The following UIMC1 variants were observed in gnomAD, a reference collection of about 807,000 sequenced individuals.
UIMC1 encodes the protein ubiquitin interaction motif containing 1.
A neutral mutation model predicts 84.9 loss-of-function variants in UIMC1; 42 were observed. The observed-to-expected ratio is 0.49, with a 90% CI of 0.39 to 0.64. The LOEUF is 0.64. UIMC1 is among the 30% of genes least tolerant of loss of function. The pLI is 0.00. For synonymous variants in UIMC1, 281 were observed against 293.0 expected (o/e 0.96, Z 0.42); for missense variants, 825 against 847.6 (o/e 0.97, Z 0.33).
chr5:176,994,900 G>C (rs527792506), intron 1 of UIMC1, among the ~76,000 whole-genome samples: 1 of 151,898 alleles, frequency 6.6e-6, no homozygotes, highest in South Asian at 2.1e-4. Context: ...ACAGGTATTT[G>C]TAGAAATAGT....
chr5:176,984,153 G>A (rs1409182046), intron 1 of UIMC1, among the ~76,000 whole-genome samples: 4 of 105,894 alleles, frequency 3.8e-5, no homozygotes, highest in South Asian at 3.5e-4. Context: ...CGGCCGCCCT[G>A]TCTGGGAAGT....
chr5:176,951,548 CA>C lies in UIMC1; in HGVS notation c.1368del (p.Phe456LeufsTer20). The C allele has an allele frequency of 6.3e-7, 1 of 1,591,060 alleles. No individual in the cohort carries two copies. Among genetic ancestry groups the C allele is most frequent in the Non-Finnish European group, 8.5e-7 (1 of 1,170,342 alleles). ...PETQLSSSETFDLEREVSPGS... is the reference protein window; with the variant it reads ...PETQLSSSETXDLEREVSPGS... ...CCTGGAGAGACTTCTCTTTCAAGGT[CA>C]AAAGTTTCAGAGGAACTTAGCTGGG... On this transcript the variant is annotated frameshift_variant, in exon 9 of 15. Coordinates refer to ENST00000511320, the MANE Select transcript of UIMC1 (RefSeq NM_001199298.2). LOFTEE classifies it high-confidence loss of function.
intron 10 of UIMC1, among the ~76,000 whole-genome samples, chr5:176,922,957 AAAG>A (rs1761888493): frequency 6.6e-6 from 1 of 152,208 alleles, no homozygotes; most frequent in African/African-American, 2.4e-5. Flanking sequence ...TTTTTGCAGC[AAAG>A]AAGGCAGTCT....
chr5:176,910,741 G>C (rs932870183), intron 11 of UIMC1, among the ~76,000 whole-genome samples: 1 of 152,108 alleles, frequency 6.6e-6, no homozygotes, highest in African/African-American at 2.4e-5. Context: ...ATTGCTTTTA[G>C]TGTATTAAAA....
Position 176,968,813 on chromosome 5 carries a change from G to A in UIMC1, c.942C>T (p.Leu314=), listed in dbSNP as rs773606713. ...GTTCCCCAAAACCTTTTTTATTAAG[G>A]AGCTGCCTCTGAGCCATTTTCAGGC... ...QKSLKMAQRQ[L]LNKKGFGEPV... Residue 314 remains leucine, a synonymous_variant, in exon 6 of 15, where the codon CTC becomes CTT. Coordinates refer to ENST00000511320, the MANE Select transcript of UIMC1 (RefSeq NM_001199298.2). 1.9e-6 allele frequency: 3 copies of A among 1,613,980 alleles called. No individual in the cohort carries two copies. Among genetic ancestry groups the A allele is most frequent in the South Asian group, 1.1e-5 (1 of 91,082 alleles).
intron 2 of UIMC1, among the ~76,000 whole-genome samples, chr5:176,977,621 CA>C (rs1261148606): frequency 5.7e-4 from 72 of 126,644 alleles, no homozygotes; most frequent in Non-Finnish European, 1.0e-4. Flanking sequence ...AAAACAGAAA[CA>C]AAAAAGGCCA....
rs755458608 is a variant in UIMC1, at chr5:176,943,413, G to A, written c.1519C>T (p.Leu507=). 1.2e-5 allele frequency: 20 copies of A among 1,614,026 alleles called. No individual in the cohort carries two copies. The highest frequency in any genetic ancestry group is 1.7e-5 in the Non-Finnish European group (20 of 1,180,036). ...FSSSNQVSCP[L]CDQCFPPTKI... ...GTGGGTGGAAAGCATTGGTCACATAGCGGGCAGGATACCTGGTTACTGGAT... is the reference window on the plus strand; with the variant it reads ...GTGGGTGGAAAGCATTGGTCACATAACGGGCAGGATACCTGGTTACTGGAT... Residue 507 remains leucine, a synonymous_variant, in exon 10 of 15, where the codon CTA becomes TTA. Coordinates refer to ENST00000511320, the MANE Select transcript of UIMC1 (RefSeq NM_001199298.2).
At chr5:176,932,522 TAGACAGAC>T (rs34037908) in intron 10 of UIMC1, among the ~76,000 whole-genome samples, 3 of 151,884 alleles carry the variant, frequency 2.0e-5, no homozygotes, top group Admixed American at 6.6e-5. Context: ...GATAGACAGA[TAGACAGAC>T]AGACAGACAG....
intron 2 of UIMC1, among the ~76,000 whole-genome samples, chr5:176,980,668 CA>C (rs1263897545): frequency 6.6e-6 from 1 of 151,466 alleles, no homozygotes; most frequent in African/African-American, 2.4e-5. Context: ...TATATGTATA[CA>C]ATTTTTTTTA....
intron 6 of UIMC1, among the ~76,000 whole-genome samples, chr5:176,960,540 AAT>A (rs1326162579): frequency 4.6e-5 from 7 of 152,000 alleles, no homozygotes; most frequent in African/African-American, 1.7e-4. Flanking sequence ...CTGGAGAAAT[AAT>A]ATGTTAATAA....
In UIMC1 at chr5:176,915,683, T is replaced by C. The variant is rs371209875; in HGVS notation, c.1598-4294A>G. Among the ~76,000 whole-genome samples, 267 of 150,876 alleles carry C rather than the reference T, an allele frequency of 1.8e-3. 4 individuals are homozygous for C. The highest frequency in any genetic ancestry group is 7.5e-3 in the South Asian group (36 of 4,786). On this transcript the variant is annotated intron_variant, in intron 10 of 14. Transcript: ENST00000511320. ...CTTGGGCAGGCTGGTCTTGAACTCCTGACCTTGTGATCCACCCACCGCAGC... is the reference window on the plus strand; with the variant it reads ...CTTGGGCAGGCTGGTCTTGAACTCCCGACCTTGTGATCCACCCACCGCAGC...
intron 1 of UIMC1, among the ~76,000 whole-genome samples, chr5:176,999,594 T>G (rs1419853133): frequency 6.6e-6 from 1 of 151,414 alleles, no homozygotes; most frequent in Non-Finnish European, 1.5e-5. Context: ...CCTTCTACTA[T>G]CTCCATTAGC....
intron 1 of UIMC1, among the ~76,000 whole-genome samples, chr5:176,994,348 T>G (rs1231914159): frequency 1.3e-5 from 2 of 152,040 alleles, no homozygotes; most frequent in Non-Finnish European, 2.9e-5. Flanking sequence ...AATTACAAAT[T>G]AAATTTACAA....
intron 10 of UIMC1, among the ~76,000 whole-genome samples, chr5:176,924,150 T>C (rs939978511): frequency 2.0e-5 from 3 of 151,334 alleles, no homozygotes; most frequent in African/African-American, 7.3e-5. Flanking sequence ...AAACCCCATC[T>C]CTACTAAAAC....
Position 176,905,438 on chromosome 5 carries a change from AG to A in UIMC1, c.2003del (p.Ser668PhefsTer7). 6.2e-7 allele frequency: 1 copy of A among 1,614,188 alleles called. No individual in the cohort carries two copies. The highest frequency in any genetic ancestry group is 8.5e-7 in the Non-Finnish European group (1 of 1,180,000). On this transcript the variant is annotated frameshift_variant, in exon 15 of 15. Transcript: ENST00000511320. LOFTEE classifies it high-confidence loss of function. ...ATTCATTTAAGTCACGACGTGTGAA[AG>A]AACTCTGCATCTCTCTGCTGCAGCC... ...EAGCSREMQS[S>X]FTRRDLNESP...
chr5:176,976,169 A>C (rs353463), intron 2 of UIMC1, among the ~76,000 whole-genome samples: 64,620 of 151,640 alleles, frequency 0.43, 13,982 homozygotes, highest in East Asian at 0.48. Flanking sequence ...AATTAAAAAG[A>C]ATTTTTTTTA....
chr5:176,985,138 G>A (rs1771765401), intron 1 of UIMC1, among the ~76,000 whole-genome samples: 1 of 151,814 alleles, frequency 6.6e-6, no homozygotes, highest in South Asian at 2.1e-4. Flanking sequence ...AAAATATAGG[G>A]AAAAAATGGT....
chr5:176,976,113 T>C (rs1225452406), intron 2 of UIMC1, among the ~76,000 whole-genome samples: 6 of 152,040 alleles, frequency 3.9e-5, no homozygotes, highest in South Asian at 2.1e-4. Flanking sequence ...CTGGGCAATG[T>C]AGAGAGATCC....
At chr5:176,985,178 G>A (rs1224866734) in intron 1 of UIMC1, among the ~76,000 whole-genome samples, 1 of 152,070 alleles carries the variant, frequency 6.6e-6, no homozygotes, top group Non-Finnish European at 1.5e-5. Flanking sequence ...AACATAGACT[G>A]GGCACAGTGG....
Sources: allele counts gnomAD v4.1 joint callset (sites outside exome capture counted in the v4.1 genomes callset), GRCh38; gene constraint gnomAD v4.1.1; transcripts MANE v1.5; gene names NCBI Gene and HGNC (gene_info 2026-07-23, HGNC 2026-07-21).